The following NRCAM variants were observed in gnomAD, a reference collection of about 807,000 sequenced individuals.
NRCAM encodes NgCAM-related cell adhesion molecule.
A neutral mutation model predicts 156.5 loss-of-function variants in NRCAM; 83 were observed. The ratio of observed to expected loss-of-function variants is 0.53; its 90% CI spans 0.44 to 0.64. NRCAM has a LOEUF of 0.64. Ranked by LOEUF, NRCAM falls within the 30% of genes least tolerant of loss-of-function variation. The pLI is 0.00. For synonymous variants in NRCAM, 538 were observed against 563.9 expected (o/e 0.95, Z 0.65); for missense variants, 1,417 against 1,597.3 (o/e 0.89, Z 1.92).
intron 3 of NRCAM, among the ~76,000 whole-genome samples, chr7:108,298,522 G>A (rs1017487594): frequency 4.0e-5 from 6 of 151,828 alleles, no homozygotes; most frequent in Admixed American, 3.9e-4. Flanking sequence ...GTGTGGTGCT[G>A]GACGCCTATA....
chr7:108,428,574 G>A (rs2300051), intron 1 of NRCAM, among the ~76,000 whole-genome samples: 4,774 of 152,272 alleles, frequency 0.031, 211 homozygotes, highest in East Asian at 0.22. Context: ...GAAGGCAGAG[G>A]AGGAGAAAGG....
intron 32 of NRCAM, among the ~76,000 whole-genome samples, chr7:108,155,049 GAT>G (rs889021965): frequency 6.8e-6 from 1 of 146,274 alleles, no homozygotes; most frequent in African/African-American, 2.5e-5. Context: ...TTTCCCAAAT[GAT>G]ATGAATCAAG....
At chr7:108,398,078 G>C (rs2099781955) in intron 2 of NRCAM, among the ~76,000 whole-genome samples, 1 of 152,194 alleles carries the variant, frequency 6.6e-6, no homozygotes, top group African/African-American at 2.4e-5. Context: ...TAACTCCCAA[G>C]TGAATGTTTC....
rs1181503243 is a variant in NRCAM at position 108,266,921 on chromosome 7, C to T, written c.-106-26751G>A. On this transcript the variant is annotated intron_variant, in intron 3 of 32. Coordinates refer to ENST00000379028, the MANE Select transcript of NRCAM (RefSeq NM_001037132.4). The stretch of plus-strand genomic sequence containing the variant: ...GATTTTACCCCGCTAACAAGTTATC[C>T]TATTACAGTTTTATAGAGCAGAGGA... Among the ~76,000 whole-genome samples, 6 of 137,954 alleles carry T rather than the reference C, an allele frequency of 4.3e-5. No homozygotes were observed. In the Admixed American group the frequency reaches 4.5e-4, roughly 10 times the overall value. 90.5% of individuals were successfully genotyped at this position (137,954 alleles called of 152,430 possible). A position where few individuals can be genotyped will look rare whatever the true frequency, so the allele number is the denominator to read the frequency against.
At chr7:108,196,407 G>A (rs1332216382) in intron 14 of NRCAM, among the ~76,000 whole-genome samples, 1 of 152,138 alleles carries the variant, frequency 6.6e-6, no homozygotes, top group Non-Finnish European at 1.5e-5. Flanking sequence ...ACCTATGGAA[G>A]GGGAGAAAAC....
chr7:108,304,187 T>C (rs930048749), intron 3 of NRCAM, among the ~76,000 whole-genome samples: 1 of 152,224 alleles, frequency 6.6e-6, no homozygotes, highest in East Asian at 1.9e-4. Context: ...CAAGACATTG[T>C]GATTTTCCCC....
chr7:108,231,281 G>A, intron 7 of NRCAM, 128 bp from the exon 8 acceptor site: 3 of 608,200 alleles, frequency 4.9e-6, no homozygotes, highest in Middle Eastern at 4.4e-4. Context: ...AAATTAATGA[G>A]AAAATATTTT....
chr7:108,183,484 C>G (rs2064725845), intron 22 of NRCAM, among the ~76,000 whole-genome samples: 1 of 152,026 alleles, frequency 6.6e-6, no homozygotes, highest in African/African-American at 2.4e-5. Flanking sequence ...TAAGCTTTCC[C>G]CACTAAAGAA....
chr7:108,258,157 T>C (rs1284508226), intron 3 of NRCAM, among the ~76,000 whole-genome samples: 4 of 152,202 alleles, frequency 2.6e-5, no homozygotes, highest in Non-Finnish European at 5.9e-5. Context: ...ATTCTGCCAG[T>C]TTCCTTCAGC....
intron 2 of NRCAM, among the ~76,000 whole-genome samples, chr7:108,378,785 G>C (rs1024310912): frequency 6.6e-6 from 1 of 150,774 alleles, no homozygotes; most frequent in Admixed American, 6.6e-5. Flanking sequence ...TAAAGAGAAG[G>C]AAAGATGAAA....
Position 108,174,393 on chromosome 7 carries a change from T to C in NRCAM, c.3187+929A>G, listed in dbSNP as rs563790532. On this transcript the variant is annotated intron_variant, in intron 28 of 32. Coordinates refer to ENST00000379028, the MANE Select transcript of NRCAM (RefSeq NM_001037132.4). ...TGAATAACATAGGGCAAAGCACATT[T>C]TTCTCTTGGTCTTCCTTTTCTTCAT... is the stretch of plus-strand genomic sequence containing the variant. Among the ~76,000 whole-genome samples the C allele has an allele frequency of 2.6e-5, 4 of 152,352 alleles. No homozygotes were observed. In the South Asian group the frequency reaches 8.3e-4, roughly 32 times the overall value.
chr7:108,358,314 A>C (rs1417769856), intron 2 of NRCAM, among the ~76,000 whole-genome samples: 1 of 150,364 alleles, frequency 6.7e-6, no homozygotes, highest in Non-Finnish European at 1.5e-5. Flanking sequence ...CTAAGGTGGG[A>C]GGATTGCTTG....
At chr7:108,224,740 A>T (rs1274180177) in intron 10 of NRCAM, among the ~76,000 whole-genome samples, 1 of 152,182 alleles carries the variant, frequency 6.6e-6, no homozygotes, top group Non-Finnish European at 1.5e-5. Flanking sequence ...CAGAAGATAT[A>T]TTACTTGAGA....
chr7:108,269,574 G>A (rs1160553921), intron 3 of NRCAM, among the ~76,000 whole-genome samples: 6 of 152,192 alleles, frequency 3.9e-5, no homozygotes, highest in South Asian at 2.1e-4. Context: ...AGAAGGTAGC[G>A]ACATGTTCCC....
rs41338849 is a variant in NRCAM at position 108,238,227 on chromosome 7, A to G, written c.107-458T>C. ...ACAATGGGACATTGCTACAGTGATA[A>G]TGCTCCATGCAAGCCAAGTCCAACA... On this transcript the variant is annotated intron_variant, in intron 4 of 32. Transcript: ENST00000379028. Among the ~76,000 whole-genome samples the G allele has an allele frequency of 5.3e-3, 813 of 152,298 alleles. 8 individuals carry two copies. Among genetic ancestry groups the G allele is most frequent in the African/African-American group, 0.019 (774 of 41,562 alleles).
chr7:108,422,289 C>CA (rs1811029538), intron 1 of NRCAM, among the ~76,000 whole-genome samples: 1 of 151,820 alleles, frequency 6.6e-6, no homozygotes, highest in African/African-American at 2.4e-5. Context: ...TGCTATATGC[C>CA]AGGCAGTGCA....
At chr7:108,191,606 T>C (rs1037686284) in intron 18 of NRCAM, 123 bp downstream of exon 18, 1 of 1,169,174 alleles carries the variant, frequency 8.6e-7, no homozygotes, top group African/African-American at 1.5e-5. Flanking sequence ...AAGAAAAACA[T>C]GGGTATGAAC....
rs1285092347 is a variant in NRCAM at position 108,180,211 on chromosome 7, T to C, written c.2851+12A>G. On this transcript the variant is annotated intron_variant, in intron 25 of 32. Coordinates refer to ENST00000379028, the MANE Select transcript of NRCAM (RefSeq NM_001037132.4). The stretch of plus-strand genomic sequence containing the variant: ...ATGTTCCTGAGATCTTAGAGACACG[T>C]CCATTCCATACCTCCTTCTGGAGTA... 3.7e-6 allele frequency: 6 copies of C among 1,612,630 alleles called. No homozygotes were observed. In the African/African-American group the frequency reaches 8.0e-5, roughly 22 times the overall value.
chr7:108,331,081 A>C (rs984186149), intron 2 of NRCAM, among the ~76,000 whole-genome samples: 1 of 152,162 alleles, frequency 6.6e-6, no homozygotes, highest in Non-Finnish European at 1.5e-5. Context: ...TAAACCTAAA[A>C]ATATATATAT....
Sources: gnomAD v4.1 joint callset for allele counts (sites outside exome capture counted in the v4.1 genomes callset) on GRCh38, gnomAD v4.1.1 for gene constraint, MANE v1.5 for transcripts, NCBI Gene and HGNC (gene_info 2026-07-23, HGNC 2026-07-21) for gene names.